OR10A6: variants seen among roughly 807,000 people sequenced by gnomAD.
The protein encoded by OR10A6 is olfactory receptor family 10 subfamily A member 6 (gene/pseudogene).
Under a neutral mutation model 1.5 loss-of-function variants are expected in OR10A6, and 2 were observed. The ratio of observed to expected loss-of-function variants is 1.31; its 90% CI spans 0.54 to 4.13. OR10A6 has a LOEUF of 4.13. OR10A6 is among the 30% of genes most tolerant of loss of function. The pLI, the probability that OR10A6 is intolerant of heterozygous loss-of-function variation, is 0.07. For missense variants in OR10A6, 492 were observed against 368.6 expected (o/e 1.33, Z -2.74); for synonymous variants, 169 against 137.3 (o/e 1.23, Z -1.61).
In OR10A6 at chr11:7,926,366, A is replaced by C. The variant is rs1196930232; in HGVS notation, c.*1352T>G. On this transcript the variant is annotated 3_prime_UTR_variant, in exon 4 of 4. Transcript: ENST00000641238. ...GCAGGTACAAGCTATAACAGAGGTG[A>C]GCTGGGGCATGCCAGGTGGGCTGTT... 1.3e-5 allele frequency: 2 copies of C among 152,320 alleles called. No homozygotes were observed. Among genetic ancestry groups the C allele is most frequent in the East Asian group, 3.9e-4 (2 of 5,186 alleles). 9.4% of individuals were successfully genotyped at this position (152,320 alleles called of 1,614,324 possible). A position where few individuals can be genotyped will look rare whatever the true frequency, so the allele number is the denominator to read the frequency against.
Position 7,928,056 on chromosome 11 carries a change from T to C in OR10A6, c.607A>G (p.Thr203Ala). The change falls in exon 4 of 4, where the codon ACC (threonine) becomes GCC (alanine). Residue 203 changes from threonine to alanine, a missense_variant. Physicochemically the swap from Thr to Ala is moderately conservative, Grantham distance 58. Transcript: ENST00000641238. ...FLFEIYAFTG[T>A]FLIILVPFLL... ...AAAGGAACCAAAATAATCAAAAAGG[T>C]GCCTGTGAATGCATAGATTTCAAAC... is the stretch of plus-strand genomic sequence containing the variant. 4 of 1,613,850 alleles carry C rather than the reference T, an allele frequency of 2.5e-6. No individual in the cohort carries two copies. In the African/African-American group the frequency reaches 5.3e-5, roughly 22 times the overall value.
In OR10A6 at chr11:7,927,777, C is replaced by T. The variant is rs1270929577; in HGVS notation, c.886G>A (p.Glu296Lys). The T allele has an allele frequency of 6.2e-7, 1 of 1,613,946 alleles. No homozygotes were observed. Among genetic ancestry groups the T allele is most frequent in the South Asian group, 1.1e-5 (1 of 91,070 alleles). Residue 296 changes from glutamate to lysine, a missense_variant, in exon 4 of 4, where the codon GAG becomes AAG. By Grantham distance (56) the Glu-to-Lys change is moderately conservative (BLOSUM62 1). Transcript: ENST00000641238. ...AATTTCATCAAAGCCCTCTTCATCTCACTATTTCGCAAACTGTAGATAAGC... is the reference window on the plus strand; with the variant it reads ...AATTTCATCAAAGCCCTCTTCATCTTACTATTTCGCAAACTGTAGATAAGC... ...NLLIYSLRNS[E>K]MKRALMKLWR...
rs894126269 is a variant in OR10A6 at position 7,926,179 on chromosome 11, G to A, written c.*1539C>T. 2 of 152,362 alleles carry A rather than the reference G, an allele frequency of 1.3e-5. No homozygotes were observed. Among genetic ancestry groups the A allele is most frequent in the African/African-American group, 4.8e-5 (2 of 41,424 alleles). 9.4% of individuals were successfully genotyped at this position (152,362 alleles called of 1,614,324 possible). ...GTCCTGGACCCAGCCACCATGGTGG[G>A]GCTTTCCTGCCTTCCAGTAGGGGAA... On this transcript the variant is annotated 3_prime_UTR_variant, in exon 4 of 4. Transcript: ENST00000641238.
Position 7,928,436 on chromosome 11 carries a change from A to G in OR10A6, c.227T>C (p.Val76Ala). The G allele has an allele frequency of 6.2e-7, 1 of 1,613,446 alleles. No individual in the cohort carries two copies. Among genetic ancestry groups the G allele is most frequent in the Non-Finnish European group, 8.5e-7 (1 of 1,179,528 alleles). Residue 76 changes from valine (V) to alanine (A), a missense_variant, in exon 4 of 4, where the codon GTT (valine) becomes GCT (alanine). Transcript: ENST00000641238. ...GACCACCAGCATTTCAGGCATAATA[A>G]CTGCACTGAAACTCAGGTCCACCAC... The part of the protein sequence containing the change: ...LSVVDLSFSA[V>A]IMPEMLVVLS...
In OR10A6 at chr11:7,927,098, G is replaced by C. The variant is rs1460952628; in HGVS notation, c.*620C>G. On this transcript the variant is annotated 3_prime_UTR_variant, in exon 4 of 4. Transcript: ENST00000641238. ...TTCTAAAATAACCAGAAGATATCTAGTTTTGAATTATAGACTCTCTGGGTC... is the reference window on the plus strand; with the variant it reads ...TTCTAAAATAACCAGAAGATATCTACTTTTGAATTATAGACTCTCTGGGTC... 3 of 152,150 alleles carry C rather than the reference G, an allele frequency of 2.0e-5. No homozygotes were observed. Among genetic ancestry groups the C allele is most frequent in the Non-Finnish European group, 2.9e-5 (2 of 68,030 alleles). The allele number at this position is 152,150 out of a possible 1,614,324, so 9.4% of individuals were successfully genotyped here. A position where few individuals can be genotyped will look rare whatever the true frequency, so the allele number is the denominator to read the frequency against.
At position 7,929,755 on chromosome 11, in the gene OR10A6, T is replaced by TATATATATATGTATATATATACAC. The variant is rs55811645; in HGVS notation, c.-1094_-1093insGTGTATATATATACATATATATAT. On this transcript the variant is annotated 5_prime_UTR_variant, in exon 4 of 4. Transcript: ENST00000641238. ...ATATATATATATATATATATATATA[T>TATATATATATGTATATATATACAC]ACACACACATGCACACATATATATA... is the stretch of plus-strand genomic sequence containing the variant. 10 of 97,270 alleles carry TATATATATATGTATATATATACAC rather than the reference T, an allele frequency of 1.0e-4. No homozygotes were observed. Among genetic ancestry groups the TATATATATATGTATATATATACAC allele is most frequent in the African/African-American group, 3.6e-4 (10 of 27,974 alleles). The allele number at this position is 97,270 out of a possible 1,614,324, so 6.0% of individuals were successfully genotyped here.
rs536073711 is a variant in OR10A6, at chr11:7,925,802, A to C, written c.*1916T>G. 6 of 152,358 alleles carry C rather than the reference A, an allele frequency of 3.9e-5. No homozygotes were observed. Among genetic ancestry groups the C allele is most frequent in the African/African-American group, 1.4e-4 (6 of 41,586 alleles). The allele number at this position is 152,358 out of a possible 1,614,324, so 9.4% of individuals were successfully genotyped here. On this transcript the variant is annotated 3_prime_UTR_variant, in exon 4 of 4. Transcript: ENST00000641238. ...TTTGCTGAGGGCTGTTTGGTGCCCA[A>C]ATGAAAACAGTATTATACAACATTC...
At position 7,928,002 on chromosome 11, in the gene OR10A6, C is replaced by A; in HGVS notation, c.661G>T (p.Val221Phe). 6.2e-7 allele frequency: 1 copy of A among 1,613,884 alleles called. No homozygotes were observed. Among genetic ancestry groups the A allele is most frequent in the Non-Finnish European group, 8.5e-7 (1 of 1,179,974 alleles). The change falls in exon 4 of 4, where the codon GTT (valine) becomes TTT (phenylalanine). Residue 221 changes from valine to phenylalanine, a missense_variant. Physicochemically the swap from Val to Phe is conservative, Grantham distance 50. Transcript: ENST00000641238. ...GGCATCTTCAGGATGGCAAACAGAA[C>A]TCGAATGTAAGACAAGAGTATCAAC... is the stretch of plus-strand genomic sequence containing the variant. ...FLLILLSYIR[V>F]LFAILKMPST...
rs372704379 is a variant in OR10A6, at chr11:7,928,379, C to T, written c.284G>A (p.Gly95Glu). 1.1e-5 allele frequency: 17 copies of T among 1,613,920 alleles called. No individual in the cohort carries two copies. The highest frequency in any genetic ancestry group is 1.4e-5 in the Non-Finnish European group (17 of 1,179,942). The change falls in exon 4 of 4, where the codon GGG (glycine) becomes GAG (glutamate). Residue 95 changes from glycine (G) to glutamate (E), a missense_variant. Gly to Glu is a moderately conservative substitution (Grantham distance 98, BLOSUM62 -2). Transcript: ENST00000641238. ...LSTEKTTISF[G>E]GCFAQMYFIL... ...GAAATACATCTGTGCAAAACAGCCC[C>T]CAAAAGAAATTGTAGTTTTTTCAGT...
rs934463671 is a variant in OR10A6, at chr11:7,926,801, A to C, written c.*917T>G. 1 of 152,196 alleles carries C rather than the reference A, an allele frequency of 6.6e-6. No homozygotes were observed. The highest frequency in any genetic ancestry group is 2.4e-5 in the African/African-American group (1 of 41,460). 9.4% of individuals were successfully genotyped at this position (152,196 alleles called of 1,614,324 possible). A position where few individuals can be genotyped will look rare whatever the true frequency, so the allele number is the denominator to read the frequency against. On this transcript the variant is annotated 3_prime_UTR_variant, in exon 4 of 4. Coordinates refer to ENST00000641238, the MANE Select transcript of OR10A6 (RefSeq NM_001004461.2). ...ATATAACTAGAAAGACTATTATGTG[A>C]TTATTTTATGTTGGAAAGATGCACA...
At position 7,928,485 on chromosome 11, in the gene OR10A6, A is replaced by G. The variant is rs1429810702; in HGVS notation, c.178T>C (p.Tyr60His). The change falls in exon 4 of 4, where the codon TAC (tyrosine) becomes CAC (histidine). Residue 60 changes from tyrosine to histidine, a missense_variant. Transcript: ENST00000641238. ...ACAGATAAGTTCAGGAGAAACAGGT[A>G]CATGGGAACGTGGAGGCTCTGGTCT... is the stretch of plus-strand genomic sequence containing the variant. The part of the protein sequence containing the change: ...SLDQSLHVPM[Y>H]LFLLNLSVVD... The G allele has an allele frequency of 6.2e-7, 1 of 1,613,944 alleles. No homozygotes were observed.
chr11:7,927,723 T>A lies in OR10A6; in HGVS notation c.940A>T (p.Ile314Phe), dbSNP rs1388139689. The A allele has an allele frequency of 2.4e-5, 39 of 1,603,656 alleles. No individual in the cohort carries two copies. Among genetic ancestry groups the A allele is most frequent in the Non-Finnish European group, 3.2e-5 (38 of 1,170,930 alleles). Residue 314 changes from isoleucine (I) to phenylalanine (F), a missense_variant, in exon 4 of 4, where the codon ATC becomes TTC. Physicochemically the swap from Ile to Phe is conservative, Grantham distance 21 (BLOSUM62 0). Transcript: ENST00000641238. ...LWRRRVVLHT[I>F] is the part of the protein sequence containing the mutation. ...TACATGGCTTCTCAACACAGTCAGA[T>A]TGTGTGTAAAACCACTCGCCTTCGC...
chr11:7,928,181 G>A lies in OR10A6; in HGVS notation c.482C>T (p.Ser161Leu). The change falls in exon 4 of 4, where the codon TCA becomes TTA. Residue 161 changes from serine to leucine, a missense_variant. Transcript: ENST00000641238. ...LGFMLGTVQT[S>L]WVSSFPFCGL... ...ACAAAAGGGAAAACTAGATACCCAT[G>A]ATGTTTGAACAGTACCTAACATAAA... The A allele has an allele frequency of 6.2e-7, 1 of 1,613,098 alleles. No individual in the cohort carries two copies. Among genetic ancestry groups the A allele is most frequent in the Non-Finnish European group, 8.5e-7 (1 of 1,179,218 alleles).
chr11:7,925,306 C>T lies in OR10A6; in HGVS notation c.*2412G>A, dbSNP rs896478503. On this transcript the variant is annotated 3_prime_UTR_variant, in exon 4 of 4. Transcript: ENST00000641238. ...TTATTTCTATCTCCTCACATAACAT[C>T]ACAAATGTATAAATTCCCAGCACAT... 12 of 152,166 alleles carry T rather than the reference C, an allele frequency of 7.9e-5. No individual in the cohort carries two copies. Among genetic ancestry groups the T allele is most frequent in the African/African-American group, 2.2e-4 (9 of 41,432 alleles). 9.4% of individuals were successfully genotyped at this position (152,166 alleles called of 1,614,324 possible).
Position 7,929,966 on chromosome 11 carries a change from G to GTGTATATATATATATATATATATA in OR10A6, c.-1305_-1304insTATATATATATATATATATATACA, listed in dbSNP as rs1289108102. ...TCTAGTAAGGTATGTGTATGTGTATGTATATATATATATATATATATATAT... is the reference window on the plus strand; with the variant it reads ...TCTAGTAAGGTATGTGTATGTGTATGTGTATATATATATATATATATATATATATATATATATATATATATATAT... On this transcript the variant is annotated 5_prime_UTR_variant, in exon 4 of 4. Transcript: ENST00000641238. The GTGTATATATATATATATATATATA allele has an allele frequency of 2.8e-4, 16 of 57,212 alleles. 2 individuals carry two copies. Among genetic ancestry groups the GTGTATATATATATATATATATATA allele is most frequent in the African/African-American group, 1.1e-3 (16 of 14,228 alleles). 3.5% of individuals were successfully genotyped at this position (57,212 alleles called of 1,614,324 possible). A position where few individuals can be genotyped will look rare whatever the true frequency, so the allele number is the denominator to read the frequency against.
rs1034089073 is a variant in OR10A6, at chr11:7,925,826, T to C, written c.*1892A>G. On this transcript the variant is annotated 3_prime_UTR_variant, in exon 4 of 4. Transcript: ENST00000641238. The stretch of plus-strand genomic sequence containing the variant: ...AAATGAAAACAGTATTATACAACAT[T>C]CAGATATCACTGATAGCGACAGGAG... 1 of 152,152 alleles carries C rather than the reference T, an allele frequency of 6.6e-6. No individual in the cohort carries two copies. Among genetic ancestry groups the C allele is most frequent in the Non-Finnish European group, 1.5e-5 (1 of 68,036 alleles). 9.4% of individuals were successfully genotyped at this position (152,152 alleles called of 1,614,324 possible). A position where few individuals can be genotyped will look rare whatever the true frequency, so the allele number is the denominator to read the frequency against.
rs767276435 is a variant in OR10A6 at position 7,928,107 on chromosome 11, C to G, written c.556G>C (p.Glu186Gln). The change falls in exon 4 of 4, where the codon GAA (glutamate) becomes CAA (glutamine). Residue 186 changes from glutamate (E) to glutamine (Q), a missense_variant. Transcript: ENST00000641238. ...HISCETPAVL[E>Q]LACADTFLFE... ...AAAAACGTGTCTGCACATGCAAGTT[C>G]TAACACTGCTGGGGTTTCACAAGAT... 6.2e-7 allele frequency: 1 copy of G among 1,613,984 alleles called. No homozygotes were observed. Among genetic ancestry groups the G allele is most frequent in the Non-Finnish European group, 8.5e-7 (1 of 1,179,990 alleles).
chr11:7,930,297 A>T lies in OR10A6; in HGVS notation c.-1635T>A, dbSNP rs188712099. The T allele has an allele frequency of 3.2e-4, 49 of 152,104 alleles. No homozygotes were observed. Among genetic ancestry groups the T allele is most frequent in the African/African-American group, 1.1e-3 (47 of 41,494 alleles). 9.4% of individuals were successfully genotyped at this position (152,104 alleles called of 1,614,324 possible). ...CAAACACAATCACAGGATGTCATGA[A>T]TGGAAGGCCATTAGGTCGGAGGAGG... On this transcript the variant is annotated 5_prime_UTR_variant, in exon 4 of 4. Transcript: ENST00000641238.
chr11:7,928,377 C>T lies in OR10A6; in HGVS notation c.286G>A (p.Gly96Ser). Residue 96 changes from glycine to serine, a missense_variant, in exon 4 of 4, where the codon GGC becomes AGC. By Grantham distance (56) the Gly-to-Ser change is moderately conservative. Transcript: ENST00000641238. ...ATGAAATACATCTGTGCAAAACAGC[C>T]CCCAAAAGAAATTGTAGTTTTTTCA... is the stretch of plus-strand genomic sequence containing the variant. ...STEKTTISFGGCFAQMYFILL... is the reference protein window; with the variant it reads ...STEKTTISFGSCFAQMYFILL... The T allele has an allele frequency of 6.2e-7, 1 of 1,613,946 alleles. No individual in the cohort carries two copies. Among genetic ancestry groups the T allele is most frequent in the Non-Finnish European group, 8.5e-7 (1 of 1,179,958 alleles).
Sources: allele counts gnomAD v4.1 joint callset, GRCh38; gene constraint gnomAD v4.1.1; transcripts MANE v1.5; gene names NCBI Gene and HGNC (gene_info 2026-07-23, HGNC 2026-07-21).